ENO1: variants seen among roughly 807,000 people sequenced by gnomAD.
ENO1 encodes the protein enolase 1.
In ENO1, 33 loss-of-function variants were observed where a neutral mutation model predicts 46.3. That is an observed-to-expected ratio of 0.71 (90% CI 0.54 to 0.95). ENO1 has a LOEUF of 0.95. Among genes scored for constraint, ENO1 ranks in the 40% least tolerant of loss-of-function variants. ENO1 has a pLI of 0.00. For missense variants in ENO1, 488 were observed against 553.3 expected, an observed-to-expected ratio of 0.88 and a Z score of 1.18; for synonymous variants, 220 against 216.0, an observed-to-expected ratio of 1.02 and a Z score of -0.16.
intron 1 of ENO1, chr1:8,877,876 CA>C (rs34081530): frequency 0.76 from 108,218 of 141,500 alleles, 41,365 homozygotes; most frequent in East Asian, 0.93. Context: ...TAGCAAAACT[CA>C]AAAAAAAAAA....
intron 1 of ENO1, 181 bp downstream of exon 1, chr1:8,878,399 C>G: frequency 3.1e-6 from 1 of 319,474 alleles, no homozygotes; most frequent in Non-Finnish European, 6.1e-6. Context: ...TGCGCCCCCG[C>G]CCCGGGCCTC....
At chr1:8,875,002 C>T (rs1642707034) in intron 1 of ENO1, 85 bp from the exon 2 acceptor site, 12 of 1,172,842 alleles carry the variant, frequency 1.0e-5, no homozygotes, top group South Asian at 9.2e-5. Context: ...TTCCGAGGTT[C>T]GTGGACTAGA....
rs1642396550 is a variant in ENO1 at position 8,861,315 on chromosome 1, G to T, written c.*45C>A. On this transcript the variant is annotated 3_prime_UTR_variant, in exon 12 of 12. Coordinates refer to ENST00000234590, the MANE Select transcript of ENO1 (RefSeq NM_001428.5). ...TGCCTGAGCTGACACGAGGGGAGGG[G>T]TCTGTGTAGCCAACAGGTGACCGAA... 1.9e-6 allele frequency: 3 copies of T among 1,601,930 alleles called. No individual in the cohort carries two copies. The highest frequency in any genetic ancestry group is 1.7e-5 in the Admixed American group (1 of 59,956).
chr1:8,861,392 C>A lies in ENO1; in HGVS notation c.1273G>T (p.Gly425Cys), dbSNP rs771949097. Reference sequence around the variant, plus strand: ...GCCAAGGGGTTTCTGAAGTTCCTGCCGGCAAACTTAGCCTTGCTGCCCAGC... The same window carrying A: ...GCCAAGGGGTTTCTGAAGTTCCTGCAGGCAAACTTAGCCTTGCTGCCCAGC... ...EELGSKAKFAGRNFRNPLAK is the reference protein window; with the variant it reads ...EELGSKAKFACRNFRNPLAK Residue 425 changes from glycine (G) to cysteine (C), a missense_variant, in exon 12 of 12, where the codon GGC becomes TGC. Coordinates refer to ENST00000234590, the MANE Select transcript of ENO1 (RefSeq NM_001428.5). 1.9e-6 allele frequency: 3 copies of A among 1,614,024 alleles called. No individual in the cohort carries two copies. The highest frequency in any genetic ancestry group is 2.5e-6 in the Non-Finnish European group (3 of 1,180,006).
chr1:8,865,560 G>T, intron 7 of ENO1, 78 bp from the exon 8 acceptor site: 1 of 1,384,324 alleles, frequency 7.2e-7, no homozygotes, highest in Non-Finnish European at 1.0e-6. Context: ...TGCTACACAG[G>T]GACTGTAACA....
intron 2 of ENO1, among the ~76,000 whole-genome samples, chr1:8,873,371 G>A (rs1642671343): frequency 6.6e-6 from 1 of 152,200 alleles, no homozygotes; most frequent in African/African-American, 2.4e-5. Flanking sequence ...AAGGTTCTGA[G>A]CAAGTCCATC....
intron 3 of ENO1, chr1:8,871,108 G>A (rs1311272116): frequency 2.3e-5 from 27 of 1,196,994 alleles, no homozygotes; most frequent in South Asian, 4.2e-5. Context: ...ATTAAACAAC[G>A]GTCAAATGGT....
At chr1:8,869,712 A>G (rs1642591081) in intron 4 of ENO1, among the ~76,000 whole-genome samples, 1 of 152,146 alleles carries the variant, frequency 6.6e-6, no homozygotes, top group Admixed American at 6.5e-5. Context: ...GGCGTGCACC[A>G]CCATGCCCGG....
chr1:8,867,039 G>A, intron 6 of ENO1, 78 bp downstream of exon 6: 1 of 1,565,702 alleles, frequency 6.4e-7, no homozygotes, highest in Non-Finnish European at 8.7e-7. Context: ...GGATATCAAG[G>A]CATAGGAGGT....
intron 10 of ENO1, 37 bp from the exon 11 acceptor site, chr1:8,862,982 A>G: frequency 1.2e-6 from 2 of 1,611,252 alleles, no homozygotes; most frequent in Non-Finnish European, 1.7e-6. Context: ...TACAGCGGAC[A>G]AGCTTTGCAG....
intron 3 of ENO1, chr1:8,871,422 A>G: frequency 1.0e-6 from 1 of 997,348 alleles, no homozygotes; most frequent in Non-Finnish European, 1.2e-6. Flanking sequence ...GTCAGTCAAC[A>G]GGAAAATCAC....
Position 8,862,937 on chromosome 1 carries a change from A to C in ENO1, c.1185T>G (p.Thr395=), listed in dbSNP as rs1642435726. 7 of 1,614,012 alleles carry C rather than the reference A, an allele frequency of 4.3e-6. No individual in the cohort carries two copies. In the East Asian group the frequency reaches 1.3e-4, roughly 31 times the overall value. The stretch of plus-strand genomic sequence containing the variant: ...AGCGCTCAGATCGGCAAGGGGCACC[A>C]GTCTTGATCTAGGAGAAAAGAAAGG... ...VVGLCTGQIK[T]GAPCRSERLA... is the part of the protein sequence containing the mutation. The change falls in exon 11 of 12, where the codon ACT becomes ACG. Residue 395 remains threonine (T), a synonymous_variant. Transcript: ENST00000234590.
At position 8,870,811 on chromosome 1, in the gene ENO1, G is replaced by A; in HGVS notation, c.182-301C>T. The A allele has an allele frequency of 3.6e-6, 5 of 1,378,210 alleles. No homozygotes were observed. The Admixed American group carries it at 8.9e-5, about 24-fold the overall frequency. 85.4% of individuals were successfully genotyped at this position (1,378,210 alleles called of 1,614,324 possible). A position where few individuals can be genotyped will look rare whatever the true frequency, so the allele number is the denominator to read the frequency against. The stretch of plus-strand genomic sequence containing the variant: ...AAACGCCAACTGCAGACTAAAGGCT[G>A]TTCAATCAGTTACCTGAGTGCACAG... On this transcript the variant is annotated intron_variant, in intron 3 of 11. Coordinates refer to ENST00000234590, the MANE Select transcript of ENO1 (RefSeq NM_001428.5).
chr1:8,876,992 ATT>A lies in ENO1; in HGVS notation c.-10+1586_-10+1587del, dbSNP rs781048965. Among the ~76,000 whole-genome samples the A allele has an allele frequency of 6.9e-3, 941 of 136,896 alleles. 3 individuals are homozygous for A. The highest frequency in any genetic ancestry group is 0.016 in the African/African-American group (589 of 37,702). The allele number at this position is 136,896 out of a possible 152,430, so 89.8% of individuals were successfully genotyped here. A position where few individuals can be genotyped will look rare whatever the true frequency, so the allele number is the denominator to read the frequency against. ...AGGCGCCTGCCATTACGCCCAGGTG[ATT>A]TTTTTTTTTTTTTGAGACGGAGTCG... On this transcript the variant is annotated intron_variant, in intron 1 of 11. Transcript: ENST00000234590.
At chr1:8,877,468 C>T (rs1278250064) in intron 1 of ENO1, 1 of 152,408 alleles carries the variant, frequency 6.6e-6, no homozygotes, top group Non-Finnish European at 1.5e-5. Context: ...CAGTCAGGGC[C>T]CGGGTGGGCC....
At chr1:8,865,577 TC>T in intron 7 of ENO1, 95 bp from the exon 8 acceptor site, 5 of 1,242,966 alleles carry the variant, frequency 4.0e-6, no homozygotes, top group Admixed American at 2.1e-5. Context: ...AACACAAAGA[TC>T]AACAGGTGTT....
chr1:8,862,192 T>G (rs1642418802), intron 11 of ENO1, among the ~76,000 whole-genome samples: 2 of 151,962 alleles, frequency 1.3e-5, no homozygotes, highest in Non-Finnish European at 2.9e-5. Flanking sequence ...AATGGGAGTT[T>G]GAGGCTGCAG....
At chr1:8,868,671 T>C (rs1362452309) in intron 4 of ENO1, among the ~76,000 whole-genome samples, 1 of 152,152 alleles carries the variant, frequency 6.6e-6, no homozygotes, top group African/African-American at 2.4e-5. Flanking sequence ...TAAAAATCAG[T>C]ATTACTTTTT....
Position 8,863,270 on chromosome 1 carries a change from T to G in ENO1, c.1141A>C (p.Ile381Leu), listed in dbSNP as rs761485123. The change falls in exon 10 of 12, where the codon ATC becomes CTC. Residue 381 changes from isoleucine (I) to leucine (L), a missense_variant. By Grantham distance (5) the Ile-to-Leu change is conservative. Transcript: ENST00000234590. Reference protein sequence around the residue: ...HRSGETEDTFIADLVVGLCTG... With the variant: ...HRSGETEDTFLADLVVGLCTG... The stretch of plus-strand genomic sequence containing the variant: ...CACAGCCCCACAACCAGGTCAGCGA[T>G]GAAGGTATCTTCAGTCTCCCCCGAA... The G allele has an allele frequency of 6.2e-7, 1 of 1,614,176 alleles. No homozygotes were observed. Among genetic ancestry groups the G allele is most frequent in the Non-Finnish European group, 8.5e-7 (1 of 1,180,028 alleles).
Sources: gnomAD v4.1 joint callset for allele counts (sites outside exome capture counted in the v4.1 genomes callset) on GRCh38, gnomAD v4.1.1 for gene constraint, MANE v1.5 for transcripts, NCBI Gene and HGNC (gene_info 2026-07-23, HGNC 2026-07-21) for gene names.